Variants in MINK1 observed in about 807,000 individuals in gnomAD.
The protein encoded by MINK1 is misshapen like kinase 1, also known as misshapen-like kinase 1.
Under a neutral mutation model 178.4 loss-of-function variants are expected in MINK1, and 46 were observed. The ratio of observed to expected loss-of-function variants is 0.26; its 90% CI spans 0.20 to 0.33. MINK1 has a LOEUF of 0.33. Ranked by LOEUF, MINK1 falls within the 10% of genes least tolerant of loss-of-function variation. The pLI, the probability that MINK1 is intolerant of heterozygous loss-of-function variation, is 1.00. For synonymous variants in MINK1, 797 were observed against 709.7 expected, an observed-to-expected ratio of 1.12 and a Z score of -1.96; for missense variants, 1,366 against 1,814.9, an observed-to-expected ratio of 0.75 and a Z score of 4.49.
In MINK1 at chr17:4,896,482, C is replaced by T. The variant is rs1969494697; in HGVS notation, c.3669C>T (p.Gly1223=). The change falls in exon 30 of 32, where the codon GGC becomes GGT. Residue 1223 remains glycine, a synonymous_variant. Transcript: ENST00000355280. This position sits in a 1 kb window ranked among gnomAD's most constrained non-coding sequence, Gnocchi z 4.6. ...HAIIFLPNTD[G]MEMLLCYEDE... ...TCATCTTCCTCCCCAACACCGACGG[C>T]ATGGAGATGCTGCTGTGCTACGAGG... 1 of 1,613,962 alleles carries T rather than the reference C, an allele frequency of 6.2e-7. No homozygotes were observed. Among genetic ancestry groups the T allele is most frequent in the Non-Finnish European group, 8.5e-7 (1 of 1,179,876 alleles).
At chr17:4,883,694 G>A (rs1967933707) in intron 4 of MINK1, among the ~76,000 whole-genome samples, 1 of 147,060 alleles carries the variant, frequency 6.8e-6, no homozygotes, top group African/African-American at 2.5e-5. Context: ...ACCACGCCCG[G>A]CTACTTTTTT....
At chr17:4,892,560 C>T (rs772949578) in intron 18 of MINK1, 48 bp downstream of exon 18, 1 of 1,542,576 alleles carries the variant, frequency 6.5e-7, no homozygotes, top group Non-Finnish European at 8.9e-7. Flanking sequence ...CTTCTGCCAC[C>T]CGCTTCCCTG....
chr17:4,868,787 C>G (rs767519837), intron 1 of MINK1: 2 of 300,342 alleles, frequency 6.7e-6, no homozygotes, highest in Non-Finnish European at 1.4e-5. Context: ...ACTCTGTTGC[C>G]CAGGTTGGAG....
At chr17:4,884,501 T>A (rs754179820) in intron 5 of MINK1, 28 bp downstream of exon 5, 1 of 1,516,380 alleles carries the variant, frequency 6.6e-7, no homozygotes, top group African/African-American at 1.4e-5. Flanking sequence ...CCCCTTGTCT[T>A]CTCCTCCGCT....
chr17:4,893,494 A>G lies in MINK1; in HGVS notation c.2461A>G (p.Met821Val). The G allele has an allele frequency of 6.2e-7, 1 of 1,600,336 alleles. No individual in the cohort carries two copies. The highest frequency in any genetic ancestry group is 8.6e-7 in the Non-Finnish European group (1 of 1,169,420). Residue 821 changes from methionine to valine, a missense_variant, in exon 21 of 32, where the codon ATG becomes GTG. Around this residue, in one of 14 missense-constraint regions of MINK1, gnomAD observed 709 missense variants for 692.3 expected, o/e 1.02. Transcript: ENST00000355280. ...GGCCCCTCGGCCTCCCAAGAAGGCC[A>G]TGGACTACTCGTCGTCCAGCGAGGA... is the stretch of plus-strand genomic sequence containing the variant. The part of the protein sequence containing the change: ...DEAPRPPKKA[M>V]DYSSSSEEVE...
chr17:4,833,563 G>A lies in MINK1; in HGVS notation c.-21G>A. On this transcript the variant is annotated 5_prime_UTR_variant, in exon 1 of 32. Transcript: ENST00000355280. The surrounding 1 kb of genome is among the most constrained non-coding windows in gnomAD (Gnocchi z 4.8). ...GAGCCGGAGCGTGAGCGGCCCCGGT[G>A]CCCCGTTCCCCACGGAGGCCATGGG... 1 of 1,493,246 alleles carries A rather than the reference G, an allele frequency of 6.7e-7. No homozygotes were observed. The highest frequency in any genetic ancestry group is 2.1e-5 in the Admixed American group (1 of 46,728). 92.5% of individuals were successfully genotyped at this position (1,493,246 alleles called of 1,614,324 possible).
intron 1 of MINK1, among the ~76,000 whole-genome samples, chr17:4,856,465 T>C (rs899618975): frequency 6.6e-6 from 1 of 151,794 alleles, no homozygotes; most frequent in Non-Finnish European, 1.5e-5. Context: ...TCCCCCGACA[T>C]CTGAGAACTT....
At position 4,887,262 on chromosome 17, in the gene MINK1, C is replaced by T. The variant is rs1171541232; in HGVS notation, c.1019+83C>T. The T allele has an allele frequency of 3.0e-5, 42 of 1,383,550 alleles. No homozygotes were observed. Among genetic ancestry groups the T allele is most frequent in the Non-Finnish European group, 4.1e-5 (41 of 997,712 alleles). 85.7% of individuals were successfully genotyped at this position (1,383,550 alleles called of 1,614,324 possible). A position where few individuals can be genotyped will look rare whatever the true frequency, so the allele number is the denominator to read the frequency against. ...AGTGGTGCTTGGCTTTGGGGACTCT[C>T]AGCCTGGGGGTGGTGGGCACAGAGA... On this transcript the variant is annotated intron_variant, in intron 11 of 31. Coordinates refer to ENST00000355280, the MANE Select transcript of MINK1 (RefSeq NM_153827.5). The surrounding 1 kb of genome is among the most constrained non-coding windows in gnomAD (Gnocchi z 7.6).
chr17:4,843,191 T>G (rs1304728406), intron 1 of MINK1, among the ~76,000 whole-genome samples: 1 of 152,036 alleles, frequency 6.6e-6, no homozygotes, highest in East Asian at 1.9e-4. Context: ...CAGAAGTTGG[T>G]TTGGGCTGGG....
At chr17:4,860,044 A>G (rs1210574176) in intron 1 of MINK1, among the ~76,000 whole-genome samples, 1 of 151,526 alleles carries the variant, frequency 6.6e-6, no homozygotes, top group African/African-American at 2.4e-5. Flanking sequence ...CCCCATGCGG[A>G]GCGGGGTACA....
intron 4 of MINK1, among the ~76,000 whole-genome samples, chr17:4,882,039 G>A (rs917516378): frequency 6.6e-6 from 1 of 152,242 alleles, no homozygotes; most frequent in Non-Finnish European, 1.5e-5. Context: ...TGGCCTCCAA[G>A]GCCCTTTGGC....
intron 1 of MINK1, among the ~76,000 whole-genome samples, chr17:4,873,979 C>G (rs1479797268): frequency 6.6e-6 from 1 of 152,046 alleles, no homozygotes; most frequent in African/African-American, 2.4e-5. Context: ...GGACCGAGGC[C>G]TCAAACAGTT....
intron 1 of MINK1, among the ~76,000 whole-genome samples, chr17:4,841,877 G>C (rs922369912): frequency 1.3e-5 from 2 of 152,080 alleles, no homozygotes. Flanking sequence ...CTCAGCCAGG[G>C]CACCGCTGGC....
chr17:4,868,789 A>C (rs1357197184), intron 1 of MINK1: 1 of 301,976 alleles, frequency 3.3e-6, no homozygotes, highest in Admixed American at 4.0e-5. Context: ...TCTGTTGCCC[A>C]GGTTGGAGCG....
intron 1 of MINK1, among the ~76,000 whole-genome samples, chr17:4,870,773 T>C (rs1479052411): frequency 2.0e-5 from 3 of 152,112 alleles, no homozygotes; most frequent in African/African-American, 4.8e-5. Flanking sequence ...TGCAGTGAGC[T>C]GAGATTACAC....
Position 4,833,808 on chromosome 17 carries a change from C to T in MINK1, c.57+168C>T, listed in dbSNP as rs908638329. ...CTCCCGCCGCGGCTGGGCCCCCGCC[C>T]TCTGCTCCCTTCTCTCTCCACTGGC... On this transcript the variant is annotated intron_variant, in intron 1 of 31. Coordinates refer to ENST00000355280, the MANE Select transcript of MINK1 (RefSeq NM_153827.5). The surrounding 1 kb of genome is among the most constrained non-coding windows in gnomAD (Gnocchi z 4.8). Among the ~76,000 whole-genome samples the T allele has an allele frequency of 6.6e-6, 1 of 152,214 alleles. No homozygotes were observed. Among genetic ancestry groups the T allele is most frequent in the Admixed American group, 6.5e-5 (1 of 15,288 alleles).
At chr17:4,889,284 C>T (rs1336770536) in intron 12 of MINK1, among the ~76,000 whole-genome samples, 2 of 152,180 alleles carry the variant, frequency 1.3e-5, no homozygotes, top group African/African-American at 4.8e-5. Context: ...CTACGACCCG[C>T]TCTATATGGA....
chr17:4,878,262 T>A (rs960451813), intron 1 of MINK1, 55 bp from the exon 2 acceptor site: 1 of 1,484,576 alleles, frequency 6.7e-7, no homozygotes, highest in Non-Finnish European at 9.1e-7. Context: ...CCCCTCTAGC[T>A]CTGTAATCCT....
intron 21 of MINK1, 125 bp downstream of exon 21, chr17:4,893,722 G>A (rs377741333): frequency 7.5e-7 from 1 of 1,341,832 alleles, no homozygotes; most frequent in South Asian, 1.6e-5. Context: ...TAGAGAGTGG[G>A]GTGAGGGTGC....
Sources: allele counts gnomAD v4.1 joint callset (sites outside exome capture counted in the v4.1 genomes callset), GRCh38; gene constraint gnomAD v4.1.1; regional missense constraint gnomAD v4.1.1; non-coding constraint Gnocchi (gnomAD v3.1); transcripts MANE v1.5; gene names NCBI Gene and HGNC (gene_info 2026-07-23, HGNC 2026-07-21).